The following WDR49 variants were observed in gnomAD, a reference collection of about 807,000 sequenced individuals.
WDR49 encodes cilia- and flagella-associated protein 337.
Under a neutral mutation model 119.5 loss-of-function variants are expected in WDR49, and 107 were observed. That is an observed-to-expected ratio of 0.90 (90% CI 0.77 to 1.05). The LOEUF (loss-of-function observed/expected upper bound fraction) is 1.05, where lower values mean the gene tolerates loss of function less well. Among genes scored for constraint, WDR49 ranks in the 50% least tolerant of loss-of-function variants. The pLI, the probability that WDR49 is intolerant of heterozygous loss-of-function variation, is 0.00. For missense variants in WDR49, 1,240 were observed against 1,220.5 expected (o/e 1.02, Z -0.24); for synonymous variants, 425 against 418.8 (o/e 1.01, Z -0.18).
chr3:167,560,064 C>T lies in WDR49; in HGVS notation c.1674G>A (p.Lys558=). The change falls in exon 9 of 19, where the codon AAG becomes AAA. Residue 558 remains lysine (K), a splice_region_variant and synonymous_variant. Transcript: ENST00000682715. ...LLTGSTDGTV[K]IWDFNGYCHH... Reference sequence around the variant, plus strand: ...TAGAAAAGCATCATTGTGTTCGCACCTTTACAGTCCCATCTGTGCTGCCAG... The same window carrying T: ...TAGAAAAGCATCATTGTGTTCGCACTTTTACAGTCCCATCTGTGCTGCCAG... 1 of 1,613,936 alleles carries T rather than the reference C, an allele frequency of 6.2e-7. No homozygotes were observed. Among genetic ancestry groups the T allele is most frequent in the Non-Finnish European group, 8.5e-7 (1 of 1,179,934 alleles).
intron 7 of WDR49, among the ~76,000 whole-genome samples, chr3:167,579,965 G>GT (rs1205584833): frequency 3.3e-5 from 5 of 151,974 alleles, no homozygotes; most frequent in Non-Finnish European, 7.4e-5. Context: ...TAACTCCACA[G>GT]TACTGATGAA....
At position 167,505,322 on chromosome 3, in the gene WDR49, T is replaced by A; in HGVS notation, c.2869A>T (p.Ile957Leu). 6.6e-7 allele frequency: 1 copy of A among 1,517,136 alleles called. No homozygotes were observed. 94.0% of individuals were successfully genotyped at this position (1,517,136 alleles called of 1,614,324 possible). A position where few individuals can be genotyped will look rare whatever the true frequency, so the allele number is the denominator to read the frequency against. ...GACTACTTACTGAATGATTTTTTTA[T>A]AACTTCACCATAATAAGGTTTTTGT... is the stretch of plus-strand genomic sequence containing the variant. Reference protein sequence around the residue: ...ETQKPYYGEVIKKSFSTFRSL... With the variant: ...ETQKPYYGEVLKKSFSTFRSL... Residue 957 changes from isoleucine (I) to leucine (L), a missense_variant, in exon 17 of 19, where the codon ATA becomes TTA. Coordinates refer to ENST00000682715, the MANE Select transcript of WDR49 (RefSeq NM_001366157.1).
intron 15 of WDR49, among the ~76,000 whole-genome samples, chr3:167,523,853 C>T (rs944563353): frequency 6.6e-6 from 1 of 152,164 alleles, no homozygotes; most frequent in Non-Finnish European, 1.5e-5. Flanking sequence ...CTGCAAAAAA[C>T]ATACATGTGC....
Position 167,573,646 on chromosome 3 carries a change from T to A in WDR49, c.1509+2272A>T, listed in dbSNP as rs1022473867. ...AGCAAACAATAAATTAATATTATGA[T>A]GAAAATAATTTTGACCTCCCAGATT... On this transcript the variant is annotated intron_variant, in intron 8 of 18. Coordinates refer to ENST00000682715, the MANE Select transcript of WDR49 (RefSeq NM_001366157.1). 6.6e-5 allele frequency among the ~76,000 whole-genome samples: 10 copies of A among 152,276 alleles called. No individual in the cohort carries two copies. In the East Asian group the frequency reaches 1.9e-3, roughly 29 times the overall value.
chr3:167,530,570 A>T (rs987672756), intron 13 of WDR49, among the ~76,000 whole-genome samples: 10 of 146,534 alleles, frequency 6.8e-5, no homozygotes, highest in African/African-American at 2.5e-4. Context: ...ACCAATACTT[A>T]AAAAAAAAAA....
intron 7 of WDR49, among the ~76,000 whole-genome samples, chr3:167,594,094 G>T (rs1048808704): frequency 6.6e-6 from 1 of 152,072 alleles, no homozygotes; most frequent in African/African-American, 2.4e-5. Context: ...AGCCATGTGA[G>T]AACAAACTAA....
chr3:167,601,889 T>A (rs1253190547), intron 7 of WDR49, among the ~76,000 whole-genome samples: 1 of 152,140 alleles, frequency 6.6e-6, no homozygotes. Context: ...AAAGATTAAA[T>A]CCCTGAGTAC....
At chr3:167,577,780 T>G (rs962918933) in intron 7 of WDR49, among the ~76,000 whole-genome samples, 4 of 152,170 alleles carry the variant, frequency 2.6e-5, no homozygotes, top group Non-Finnish European at 2.9e-5. Flanking sequence ...TAGTTTCTGT[T>G]TAGATGAGTC....
rs964040053 is a variant in WDR49 at position 167,555,166 on chromosome 3, G to T, written c.1675-368C>A. ...CACCCTGAAACCCCTAGGGAGCAGA[G>T]AGAAGTTTAAAGTTGAGTTCATCTC... is the stretch of plus-strand genomic sequence containing the variant. On this transcript the variant is annotated intron_variant, in intron 9 of 18. Coordinates refer to ENST00000682715, the MANE Select transcript of WDR49 (RefSeq NM_001366157.1). 2.6e-5 allele frequency among the ~76,000 whole-genome samples: 4 copies of T among 152,154 alleles called. 1 individual carries two copies. Among genetic ancestry groups the T allele is most frequent in the Admixed American group, 2.6e-4 (4 of 15,264 alleles).
At chr3:167,621,416 C>T in intron 4 of WDR49, 51 bp downstream of exon 4, 1 of 1,412,180 alleles carries the variant, frequency 7.1e-7, no homozygotes, top group East Asian at 2.6e-5. Context: ...CTTTAAACTA[C>T]AGTTTGATGA....
intron 7 of WDR49, among the ~76,000 whole-genome samples, chr3:167,585,255 C>A (rs1560298396): frequency 6.6e-6 from 1 of 151,866 alleles, no homozygotes; most frequent in Non-Finnish European, 1.5e-5. Context: ...TTTCATATAC[C>A]CCTGATGAGC....
At chr3:167,647,846 T>C (rs1048607856) in intron 2 of WDR49, among the ~76,000 whole-genome samples, 2 of 152,214 alleles carry the variant, frequency 1.3e-5, no homozygotes, top group African/African-American at 4.8e-5. Context: ...TTGGTTATTA[T>C]CTTCTTTTCA....
At chr3:167,498,657 A>G (rs994826420) in intron 18 of WDR49, among the ~76,000 whole-genome samples, 1 of 152,178 alleles carries the variant, frequency 6.6e-6, no homozygotes, top group Non-Finnish European at 1.5e-5. Flanking sequence ...AGGTTAAAAA[A>G]GAGTTATTTT....
chr3:167,556,380 G>A (rs779529751), intron 9 of WDR49, among the ~76,000 whole-genome samples: 5 of 152,102 alleles, frequency 3.3e-5, no homozygotes, highest in Non-Finnish European at 4.4e-5. Context: ...ATCCTCTACC[G>A]ATAAAACCTC....
At chr3:167,602,805 C>T (rs890608497) in intron 6 of WDR49, among the ~76,000 whole-genome samples, 1 of 152,120 alleles carries the variant, frequency 6.6e-6, no homozygotes. Flanking sequence ...AATATGGTCC[C>T]ATGAGACTAT....
intron 18 of WDR49, among the ~76,000 whole-genome samples, chr3:167,491,427 T>C (rs1395872697): frequency 1.3e-5 from 2 of 152,062 alleles, no homozygotes; most frequent in Non-Finnish European, 2.9e-5. Context: ...TCTCTTTCCT[T>C]CCTCTTGAGT....
At chr3:167,608,096 A>G (rs1716149780) in intron 5 of WDR49, among the ~76,000 whole-genome samples, 2 of 152,222 alleles carry the variant, frequency 1.3e-5, no homozygotes, top group Admixed American at 1.3e-4. Flanking sequence ...CTGCTGCAAT[A>G]GTACTACTAC....
chr3:167,586,085 T>C (rs1375205247), intron 7 of WDR49, among the ~76,000 whole-genome samples: 1 of 152,098 alleles, frequency 6.6e-6, no homozygotes, highest in Non-Finnish European at 1.5e-5. Context: ...CAACCATAGG[T>C]CTACAATATA....
At chr3:167,536,078 A>T (rs1166919384) in intron 11 of WDR49, among the ~76,000 whole-genome samples, 1 of 152,044 alleles carries the variant, frequency 6.6e-6, no homozygotes, top group Non-Finnish European at 1.5e-5. Flanking sequence ...GAGGATGGGG[A>T]GGGGAGACAG....
Sources: allele counts gnomAD v4.1 joint callset (sites outside exome capture counted in the v4.1 genomes callset), GRCh38; gene constraint gnomAD v4.1.1; transcripts MANE v1.5; gene names NCBI Gene and HGNC (gene_info 2026-07-23, HGNC 2026-07-21).